NAA11: variants seen among roughly 807,000 people sequenced by gnomAD.
NAA11 encodes N-alpha-acetyltransferase 11, NatA catalytic subunit.
In NAA11, 15 loss-of-function variants were observed where a neutral mutation model predicts 16.1. The observed-to-expected ratio is 0.93, with a 90% CI of 0.62 to 1.44. The LOEUF is 1.44. Among genes scored for constraint, NAA11 ranks in the 40% most tolerant of loss-of-function variants. The probability of loss-of-function intolerance (pLI) is 0.00; values close to 1 mark genes in which losing one functional copy is unlikely to be tolerated. For missense variants in NAA11, 298 were observed against 291.3 expected (o/e 1.02, Z -0.17); for synonymous variants, 122 against 112.4 (o/e 1.09, Z -0.54).
chr4:79,225,357 G>A (rs1721286790), downstream of NAA11, among the ~76,000 whole-genome samples: 1 of 152,072 alleles, frequency 6.6e-6, no homozygotes, highest in Non-Finnish European at 1.5e-5. Context: ...TTTAAGAGCT[G>A]TGATTTTTTT....
chr4:79,177,302 C>G, the NAA11 span, among the ~76,000 whole-genome samples: 1 of 151,798 alleles, frequency 6.6e-6, no homozygotes, highest in Non-Finnish European at 1.5e-5. Context: ...AACAACAAAA[C>G]TAGGCCCAGA....
chr4:79,302,150 T>C (rs1277753167), intron 1 of NAA11, among the ~76,000 whole-genome samples: 1 of 152,194 alleles, frequency 6.6e-6, no homozygotes, highest in Non-Finnish European at 1.5e-5. Context: ...TTTTGAAATA[T>C]GCACTTTTAA....
chr4:79,182,349 C>G, the NAA11 span, among the ~76,000 whole-genome samples: 1 of 152,172 alleles, frequency 6.6e-6, no homozygotes, highest in Non-Finnish European at 1.5e-5. Context: ...TCTTTTTCTG[C>G]CACCCATTAT....
the NAA11 span, among the ~76,000 whole-genome samples, chr4:79,214,758 A>G: frequency 6.6e-6 from 1 of 152,188 alleles, no homozygotes; most frequent in African/African-American, 2.4e-5. Context: ...AGATGGCGCC[A>G]CTGCACTGCA....
At chr4:79,305,490 G>C (rs949582951) in intron 1 of NAA11, among the ~76,000 whole-genome samples, 1 of 152,094 alleles carries the variant, frequency 6.6e-6, no homozygotes, top group African/African-American at 2.4e-5. Context: ...TAGAAAAGCC[G>C]GTATGGCTCA....
At position 79,325,487 on chromosome 4, in the gene NAA11, T is replaced by C; in HGVS notation, c.391A>G (p.Ser131Gly). 1.2e-6 allele frequency: 2 copies of C among 1,614,228 alleles called. No individual in the cohort carries two copies. The highest frequency in any genetic ancestry group is 1.7e-6 in the Non-Finnish European group (2 of 1,180,046). The change falls in exon 1 of 2, where the codon AGT becomes GGT. Residue 131 changes from serine to glycine, a missense_variant. Physicochemically the swap from Ser to Gly is moderately conservative, Grantham distance 56. Transcript: ENST00000286794. Reference protein sequence around the residue: ...LYSNTLNFQISEVEPKYYADG... With the variant: ...LYSNTLNFQIGEVEPKYYADG... ...GCATAGTATTTAGGTTCCACCTCAC[T>C]AATCTGAAAGTTGAGGGTGTTAGAA...
At chr4:79,191,812 TG>T in the NAA11 span, among the ~76,000 whole-genome samples, 1 of 152,162 alleles carries the variant, frequency 6.6e-6, no homozygotes, top group African/African-American at 2.4e-5. Flanking sequence ...TTTATAGTTT[TG>T]GGTTTTACAT....
At position 79,317,040 on chromosome 4, in the gene NAA11, G is replaced by A. The variant is rs1385167019; in HGVS notation, c.*764C>T. On this transcript the variant is annotated 3_prime_UTR_variant, in exon 2 of 2. Coordinates refer to ENST00000286794, the MANE Select transcript of NAA11 (RefSeq NM_032693.3). ...AAATATGTAACTAATGAAGGCTCCAGCATTGTGTGTGAACACTGCAGGTAC... is the reference window on the plus strand; with the variant it reads ...AAATATGTAACTAATGAAGGCTCCAACATTGTGTGTGAACACTGCAGGTAC... The A allele has an allele frequency of 6.6e-6, 1 of 152,168 alleles. No homozygotes were observed. The highest frequency in any genetic ancestry group is 1.5e-5 in the Non-Finnish European group (1 of 68,016). The allele number at this position is 152,168 out of a possible 1,614,324, so 9.4% of individuals were successfully genotyped here. A position where few individuals can be genotyped will look rare whatever the true frequency, so the allele number is the denominator to read the frequency against.
chr4:79,170,104 C>T, the NAA11 span, among the ~76,000 whole-genome samples: 2 of 152,314 alleles, frequency 1.3e-5, no homozygotes, highest in East Asian at 1.9e-4. Flanking sequence ...ACAAATGATA[C>T]AAAGTGATGC....
At chr4:79,237,463 T>C (rs891359380) in intron 2 of NAA11, among the ~76,000 whole-genome samples, 3 of 152,208 alleles carry the variant, frequency 2.0e-5, no homozygotes, top group Non-Finnish European at 4.4e-5. Flanking sequence ...CTGTGATTTT[T>C]AAATTCTATT....
Position 79,325,808 on chromosome 4 carries a change from C to G in NAA11, c.70G>C (p.Glu24Gln). Residue 24 changes from glutamate (E) to glutamine (Q), a missense_variant, in exon 1 of 2, where the codon GAG becomes CAG. Physicochemically the swap from Glu to Gln is conservative, Grantham distance 29 (BLOSUM62 2). Transcript: ENST00000286794. ...MQHCNLLCLP[E>Q]NYQMKYYLYH... ...AAATAGTATTTCATCTGGTAGTTCT[C>G]AGGAAGGCAAAGGAGGTTGCAGTGT... 1 of 1,614,110 alleles carries G rather than the reference C, an allele frequency of 6.2e-7. No homozygotes were observed. Among genetic ancestry groups the G allele is most frequent in the Non-Finnish European group, 8.5e-7 (1 of 1,179,988 alleles).
At chr4:79,254,645 C>CTT (rs55884114) in intron 2 of NAA11, among the ~76,000 whole-genome samples, 2 of 123,204 alleles carry the variant, frequency 1.6e-5, no homozygotes, top group Admixed American at 7.9e-5. Flanking sequence ...TTGTCCTTTT[C>CTT]TTTTTTTTTT....
intron 2 of NAA11, among the ~76,000 whole-genome samples, chr4:79,258,177 T>C (rs1293795619): frequency 6.6e-6 from 1 of 152,218 alleles, no homozygotes; most frequent in Non-Finnish European, 1.5e-5. Flanking sequence ...TCTTGGGGAT[T>C]CTGGGAGCAG....
the NAA11 span, among the ~76,000 whole-genome samples, chr4:79,175,844 A>C: frequency 6.6e-6 from 1 of 152,038 alleles, no homozygotes; most frequent in African/African-American, 2.4e-5. Context: ...ATGTGAGTTC[A>C]CATGAATTCA....
chr4:79,243,568 T>C (rs1721741546), intron 2 of NAA11, among the ~76,000 whole-genome samples: 2 of 152,250 alleles, frequency 1.3e-5, no homozygotes, highest in Admixed American at 6.5e-5. Flanking sequence ...TTATTGTATG[T>C]TTACTGTCTT....
At chr4:79,171,208 C>T in the NAA11 span, among the ~76,000 whole-genome samples, 1 of 152,164 alleles carries the variant, frequency 6.6e-6, no homozygotes, top group African/African-American at 2.4e-5. Context: ...GTCATAAGGG[C>T]TCTGCCTTCA....
chr4:79,270,689 T>C (rs1179770067), intron 2 of NAA11, among the ~76,000 whole-genome samples: 1 of 84,618 alleles, frequency 1.2e-5, no homozygotes, highest in Non-Finnish European at 2.2e-5. Context: ...CATGATCAAG[T>C]GGGCTTCATC....
At chr4:79,244,907 C>T (rs150976089) in intron 2 of NAA11, 9,440 of 163,016 alleles carry the variant, frequency 0.058, 859 homozygotes, top group African/African-American at 0.2. Context: ...GGATTGCAGA[C>T]GGGAGTCTCG....
chr4:79,260,873 T>G (rs1335523377), intron 2 of NAA11, among the ~76,000 whole-genome samples: 2 of 152,230 alleles, frequency 1.3e-5, no homozygotes, highest in African/African-American at 4.8e-5. Flanking sequence ...AAAGCTCCTT[T>G]AAAACCAGCA....
Sources: allele counts gnomAD v4.1 joint callset (sites outside exome capture counted in the v4.1 genomes callset), GRCh38; gene constraint gnomAD v4.1.1; transcripts MANE v1.5; gene names NCBI Gene and HGNC (gene_info 2026-07-23, HGNC 2026-07-21).